Variants in RORA observed in about 807,000 individuals in gnomAD.
RORA encodes nuclear receptor ROR-alpha.
A neutral mutation model predicts 69.5 loss-of-function variants in RORA; 7 were observed. The ratio of observed to expected loss-of-function variants is 0.10; its 90% CI spans 0.06 to 0.19. RORA has a LOEUF of 0.19. Ranked by LOEUF, RORA falls within the 10% of genes least tolerant of loss-of-function variation. The pLI is 1.00. For synonymous variants in RORA, 261 were observed against 240.8 expected, an observed-to-expected ratio of 1.08 and a Z score of -0.78; for missense variants, 457 against 663.0, an observed-to-expected ratio of 0.69 and a Z score of 3.41.
chr15:60,962,308 T>G (rs1404065577), intron 1 of RORA, among the ~76,000 whole-genome samples: 1 of 152,166 alleles, frequency 6.6e-6, no homozygotes, highest in Non-Finnish European at 1.5e-5. Context: ...TTTAACTCAT[T>G]TCCCCTCCCC....
intron 1 of RORA, among the ~76,000 whole-genome samples, chr15:61,035,938 G>A (rs1896437321): frequency 6.6e-6 from 1 of 152,120 alleles, no homozygotes; most frequent in African/African-American, 2.4e-5. Flanking sequence ...AGCATGACAT[G>A]GACATAAATG....
At chr15:61,107,382 T>C (rs2078961696) in intron 1 of RORA, among the ~76,000 whole-genome samples, 1 of 152,216 alleles carries the variant, frequency 6.6e-6, no homozygotes, top group South Asian at 2.1e-4. Flanking sequence ...AAGTCCACTA[T>C]TCTCCATTTC....
intron 1 of RORA, among the ~76,000 whole-genome samples, chr15:60,725,782 T>C (rs1366781182): frequency 6.6e-6 from 1 of 152,154 alleles, no homozygotes; most frequent in Non-Finnish European, 1.5e-5. Flanking sequence ...GTAAAGGCCA[T>C]GAAATTTCAT....
chr15:60,733,930 G>C (rs1274961847), intron 1 of RORA, among the ~76,000 whole-genome samples: 6 of 150,988 alleles, frequency 4.0e-5, no homozygotes, highest in Non-Finnish European at 8.9e-5. Context: ...GAGAGAGAGA[G>C]AGAGAGAGAG....
chr15:60,997,691 A>C (rs1485783089), intron 1 of RORA, among the ~76,000 whole-genome samples: 4 of 152,184 alleles, frequency 2.6e-5, no homozygotes, highest in Non-Finnish European at 2.9e-5. Context: ...AAAAATTCAA[A>C]TTTATGTTGC....
chr15:61,029,700 G>T (rs749113546), intron 1 of RORA, among the ~76,000 whole-genome samples: 7 of 152,094 alleles, frequency 4.6e-5, no homozygotes, highest in Non-Finnish European at 8.8e-5. Context: ...GAAGGGGAAA[G>T]AATTCTTGTT....
intron 1 of RORA, among the ~76,000 whole-genome samples, chr15:60,774,254 G>A (rs2072126150): frequency 6.6e-6 from 1 of 152,214 alleles, no homozygotes; most frequent in Admixed American, 6.5e-5. Flanking sequence ...TCTGGGTCAG[G>A]TGAGTCTGCG....
intron 2 of RORA, among the ~76,000 whole-genome samples, chr15:60,572,686 C>T (rs2067916990): frequency 6.6e-6 from 1 of 152,188 alleles, no homozygotes; most frequent in African/African-American, 2.4e-5. Flanking sequence ...ATGCTGTTTT[C>T]ATCCTGGGTA....
chr15:60,702,999 C>T (rs2071006286), intron 1 of RORA, among the ~76,000 whole-genome samples: 1 of 152,128 alleles, frequency 6.6e-6, no homozygotes, highest in Admixed American at 6.6e-5. Flanking sequence ...AGGAGCCTTG[C>T]TATTTTCAAC....
chr15:60,908,762 G>A (rs185388657), intron 1 of RORA, among the ~76,000 whole-genome samples: 45 of 152,252 alleles, frequency 3.0e-4, no homozygotes, highest in Middle Eastern at 3.4e-3. Flanking sequence ...CACAGAAAGC[G>A]TGGTTCTGCC....
intron 2 of RORA, among the ~76,000 whole-genome samples, chr15:60,671,552 G>A (rs1253613740): frequency 1.3e-5 from 2 of 151,994 alleles, no homozygotes; most frequent in Admixed American, 1.3e-4. Context: ...TGAGGCAGGA[G>A]GATCTCTTGA....
At chr15:60,585,333 T>C (rs1270661643) in intron 2 of RORA, among the ~76,000 whole-genome samples, 1 of 152,228 alleles carries the variant, frequency 6.6e-6, no homozygotes, top group Non-Finnish European at 1.5e-5. Context: ...CGCTACCTCA[T>C]GCAGAGTTTC....
intron 1 of RORA, among the ~76,000 whole-genome samples, chr15:60,899,899 G>C (rs1325693799): frequency 6.6e-6 from 1 of 152,230 alleles, no homozygotes; most frequent in East Asian, 1.9e-4. Flanking sequence ...CAATATAGCA[G>C]AGTGGGAGAA....
At chr15:61,064,437 A>G (rs1190202421) in intron 1 of RORA, among the ~76,000 whole-genome samples, 1 of 152,202 alleles carries the variant, frequency 6.6e-6, no homozygotes, top group Non-Finnish European at 1.5e-5. Context: ...GTTACATCCC[A>G]TTATACCTGG....
At position 61,189,856 on chromosome 15, in the gene RORA, C is replaced by CAAAAAA. The variant is rs71125907; in HGVS notation, c.166+39191_166+39196dup. ...TGGGTGACAGAGCGAGACTCTGTCT[C>CAAAAAA]AAAAAAAAAAAAAAAAAAAAAAAAA... On this transcript the variant is annotated intron_variant, in intron 1 of 10. Transcript: ENST00000335670. 6.8e-3 allele frequency among the ~76,000 whole-genome samples: 290 copies of CAAAAAA among 42,888 alleles called. 93 individuals are homozygous for CAAAAAA. Among genetic ancestry groups the CAAAAAA allele is most frequent in the Non-Finnish European group, 8.0e-3 (217 of 27,240 alleles). The allele number at this position is 42,888 out of a possible 152,430, so 28.1% of individuals were successfully genotyped here. A position where few individuals can be genotyped will look rare whatever the true frequency, so the allele number is the denominator to read the frequency against.
intron 1 of RORA, among the ~76,000 whole-genome samples, chr15:61,137,591 G>C (rs963612958): frequency 6.6e-6 from 1 of 152,132 alleles, no homozygotes; most frequent in Non-Finnish European, 1.5e-5. Flanking sequence ...CACTGTGCTG[G>C]GCCGTTCCTA....
At chr15:61,055,340 T>C (rs1035836061) in intron 1 of RORA, among the ~76,000 whole-genome samples, 3 of 152,218 alleles carry the variant, frequency 2.0e-5, no homozygotes, top group African/African-American at 7.2e-5. Context: ...ATCGCAGCAG[T>C]TCCTGGAGTA....
intron 6 of RORA, among the ~76,000 whole-genome samples, chr15:60,505,120 G>A (rs1281357335): frequency 2.6e-5 from 4 of 152,126 alleles, no homozygotes; most frequent in Non-Finnish European, 5.9e-5. Context: ...CCAGAAACAT[G>A]AGGCTTCCTT....
Position 60,944,786 on chromosome 15 carries a change from G to A in RORA, c.167-266100C>T, listed in dbSNP as rs536183030. Among the ~76,000 whole-genome samples the A allele has an allele frequency of 4.0e-5, 6 of 150,756 alleles. No homozygotes were observed. In the East Asian group the frequency reaches 5.9e-4, roughly 15 times the overall value. ...GGGCAATACACCATTTCCAATAATC[G>A]TCCCTGCAGAAGGATAGAAAAATGT... On this transcript the variant is annotated intron_variant, in intron 1 of 10. Coordinates refer to ENST00000335670, the MANE Select transcript of RORA (RefSeq NM_134261.3).
Sources: gnomAD v4.1 joint callset for allele counts (sites outside exome capture counted in the v4.1 genomes callset) on GRCh38, gnomAD v4.1.1 for gene constraint, MANE v1.5 for transcripts, NCBI Gene and HGNC (gene_info 2026-07-23, HGNC 2026-07-21) for gene names.